The following GAS7 variants were observed in gnomAD, a reference collection of about 807,000 sequenced individuals.
GAS7 encodes growth arrest-specific protein 7.
GAS7 carries 28 observed loss-of-function variants against 71.1 expected under a neutral mutation model. That is an observed-to-expected ratio of 0.39 (90% confidence interval 0.29 to 0.54). The LOEUF is 0.54. GAS7 is among the 20% of genes least tolerant of loss of function. GAS7 has a pLI of 0.62. For synonymous variants in GAS7, 258 were observed against 245.8 expected (o/e 1.05, Z -0.46); for missense variants, 436 against 627.8 (o/e 0.69, Z 3.27).
Position 9,959,494 on chromosome 17 carries a change from C to G in GAS7, c.472-239G>C. 1 of 1,380,672 alleles carries G rather than the reference C, an allele frequency of 7.2e-7. No individual in the cohort carries two copies. The allele number at this position is 1,380,672 out of a possible 1,614,324, so 85.5% of individuals were successfully genotyped here. On this transcript the variant is annotated intron_variant, in intron 4 of 13. Transcript: ENST00000432992. The surrounding 1 kb of genome is among the most constrained non-coding windows in gnomAD (Gnocchi z 5.0). ...GCCTCCTGCACAGGCTCTGAGAGAA[C>G]TGCTCCAAACCAGGTCTCCCCTCCT... is the stretch of plus-strand genomic sequence containing the variant.
intron 1 of GAS7, among the ~76,000 whole-genome samples, chr17:10,043,368 G>A (rs140812229): frequency 9.9e-5 from 15 of 152,182 alleles, no homozygotes; most frequent in Non-Finnish European, 1.8e-4. Context: ...AAATGAAGAG[G>A]GGGGATACAA....
rs149127484 is a variant in GAS7 at position 10,167,782 on chromosome 17, G to A, written c.183+30426C>T. Among the ~76,000 whole-genome samples the A allele has an allele frequency of 6.1e-3, 930 of 152,098 alleles. 6 individuals carry two copies. Among genetic ancestry groups the A allele is most frequent in the African/African-American group, 0.022 (895 of 41,474 alleles). Reference sequence around the variant, plus strand: ...GGCACAATCACAGCCCACAGGAGCCGACACCTTCTGGGCTCAGGTGATCCT... The same window carrying A: ...GGCACAATCACAGCCCACAGGAGCCAACACCTTCTGGGCTCAGGTGATCCT... On this transcript the variant is annotated intron_variant, in intron 1 of 13. Coordinates refer to ENST00000432992, the MANE Select transcript of GAS7 (RefSeq NM_201433.2).
At chr17:9,917,546 C>T (rs554219306) in intron 13 of GAS7, among the ~76,000 whole-genome samples, 1 of 152,350 alleles carries the variant, frequency 6.6e-6, no homozygotes, top group East Asian at 1.9e-4. Flanking sequence ...GACCCTGCTT[C>T]TCACCCTGCA....
chr17:10,126,561 T>G (rs968267059), intron 1 of GAS7, among the ~76,000 whole-genome samples: 1 of 143,630 alleles, frequency 7.0e-6, no homozygotes, highest in East Asian at 2.1e-4. Flanking sequence ...CACGCAGACA[T>G]GCACACACTC....
chr17:10,104,646 T>C (rs540186111), intron 1 of GAS7, among the ~76,000 whole-genome samples: 1 of 152,252 alleles, frequency 6.6e-6, no homozygotes, highest in East Asian at 1.9e-4. Flanking sequence ...CTGCTCTCCA[T>C]AACTCATTTT....
intron 1 of GAS7, among the ~76,000 whole-genome samples, chr17:10,054,714 A>G (rs559016594): frequency 6.6e-6 from 1 of 152,190 alleles, no homozygotes; most frequent in South Asian, 2.1e-4. Flanking sequence ...CGTCTGCTCC[A>G]TACCACACAT....
At chr17:10,169,411 C>T (rs545573377) in intron 1 of GAS7, among the ~76,000 whole-genome samples, 1 of 152,288 alleles carries the variant, frequency 6.6e-6, no homozygotes, top group African/African-American at 2.4e-5. Context: ...GACAGGCAAA[C>T]ACAGCCATGC....
intron 1 of GAS7, among the ~76,000 whole-genome samples, chr17:10,118,059 T>C (rs967690723): frequency 6.6e-6 from 1 of 152,102 alleles, no homozygotes; most frequent in Non-Finnish European, 1.5e-5. Context: ...TGGACCTACT[T>C]GGGTCTGCAC....
chr17:10,046,557 G>A (rs1247488814), intron 1 of GAS7, among the ~76,000 whole-genome samples: 1 of 150,986 alleles, frequency 6.6e-6, no homozygotes, highest in African/African-American at 2.4e-5. Context: ...CCAATATAGT[G>A]AAACCTCGTC....
intron 12 of GAS7, 108 bp from the exon 13 acceptor site, chr17:9,918,207 A>G: frequency 1.4e-6 from 1 of 716,548 alleles, no homozygotes; most frequent in Non-Finnish European, 2.4e-6. Context: ...ATTCTGTCCC[A>G]TCTGACTCTC....
At chr17:10,023,260 C>T (rs1383440691) in intron 1 of GAS7, among the ~76,000 whole-genome samples, 1 of 152,192 alleles carries the variant, frequency 6.6e-6, no homozygotes, top group East Asian at 1.9e-4. Flanking sequence ...AGCCACAGTC[C>T]CATCACCTTT....
At chr17:9,987,386 T>C (rs974690314) in intron 2 of GAS7, among the ~76,000 whole-genome samples, 20 of 152,266 alleles carry the variant, frequency 1.3e-4, no homozygotes, top group African/African-American at 4.8e-4. Context: ...ATACTGGCCA[T>C]GGATGAAACC....
At position 10,056,500 on chromosome 17, in the gene GAS7, A is replaced by G. The variant is rs114114112; in HGVS notation, c.184-36603T>C. Among the ~76,000 whole-genome samples the G allele has an allele frequency of 7.5e-3, 1,141 of 152,164 alleles. 24 individuals carry two copies. Among genetic ancestry groups the G allele is most frequent in the African/African-American group, 0.026 (1,071 of 41,488 alleles). ...ACAGAGTGAGACTCTGACTCTGGAA[A>G]AAATAAGCAAATAAAAAATAAAAAT... On this transcript the variant is annotated intron_variant, in intron 1 of 13. Transcript: ENST00000432992.
intron 1 of GAS7, among the ~76,000 whole-genome samples, chr17:10,160,681 T>C (rs1391709554): frequency 6.6e-6 from 1 of 152,146 alleles, no homozygotes; most frequent in African/African-American, 2.4e-5. Context: ...AACTATAATA[T>C]AGAAAGTTAA....
At chr17:10,085,706 A>G (rs564362271) in intron 1 of GAS7, among the ~76,000 whole-genome samples, 31 of 134,918 alleles carry the variant, frequency 2.3e-4, no homozygotes, top group East Asian at 4.0e-4. Flanking sequence ...AAAAAAAAAA[A>G]AAAGAAAGAA....
intron 2 of GAS7, among the ~76,000 whole-genome samples, chr17:10,011,033 T>C (rs933226103): frequency 5.9e-5 from 9 of 152,244 alleles, no homozygotes; most frequent in Admixed American, 2.6e-4. Context: ...TTAGAGGATT[T>C]AGAAGTTTCC....
chr17:10,183,553 C>T (rs74680803), intron 1 of GAS7, among the ~76,000 whole-genome samples: 9,721 of 152,236 alleles, frequency 0.064, 529 homozygotes, highest in East Asian at 0.18. Flanking sequence ...AAAGATTCTG[C>T]AACTGGCTGG....
At position 10,103,730 on chromosome 17, in the gene GAS7, G is replaced by A. The variant is rs912744246; in HGVS notation, c.184-83833C>T. On this transcript the variant is annotated intron_variant, in intron 1 of 13. Coordinates refer to ENST00000432992, the MANE Select transcript of GAS7 (RefSeq NM_201433.2). This position sits in a 1 kb window ranked among gnomAD's most constrained non-coding sequence, Gnocchi z 5.5. ...AATCCCGGCTACTAGGGAGGCTGAG[G>A]CAGGAGAACTGCTTGAACCTGGGAG... 6.6e-6 allele frequency among the ~76,000 whole-genome samples: 1 copy of A among 151,938 alleles called. No homozygotes were observed. The highest frequency in any genetic ancestry group is 1.5e-5 in the Non-Finnish European group (1 of 67,996).
At chr17:9,970,193 A>C (rs1401092476) in intron 3 of GAS7, among the ~76,000 whole-genome samples, 1 of 151,996 alleles carries the variant, frequency 6.6e-6, no homozygotes, top group Admixed American at 6.6e-5. Context: ...TAACTTCTCC[A>C]CCCTCAAACT....
Sources: gnomAD v4.1 joint callset for allele counts (sites outside exome capture counted in the v4.1 genomes callset) on GRCh38, gnomAD v4.1.1 for gene constraint, Gnocchi (gnomAD v3.1) non-coding constraint, MANE v1.5 for transcripts, NCBI Gene and HGNC (gene_info 2026-07-23, HGNC 2026-07-21) for gene names.